Variants in SLCO1A2 observed in about 807,000 individuals in gnomAD.
SLCO1A2 encodes the protein solute carrier organic anion transporter family member 1A2.
Under a neutral mutation model 69.0 loss-of-function variants are expected in SLCO1A2, and 67 were observed. That is an observed-to-expected ratio of 0.97 (90% CI 0.80 to 1.19). The LOEUF (loss-of-function observed/expected upper bound fraction) is 1.19, where lower values mean the gene tolerates loss of function less well. SLCO1A2 is among the 50% of genes most tolerant of loss of function. SLCO1A2 has a pLI of 0.00. For missense variants in SLCO1A2, 787 were observed against 793.7 expected, an observed-to-expected ratio of 0.99 and a Z score of 0.10; for synonymous variants, 260 against 265.9, an observed-to-expected ratio of 0.98 and a Z score of 0.22.
chr12:21,308,276 G>A (rs747111296), intron 4 of SLCO1A2, among the ~76,000 whole-genome samples: 4 of 152,042 alleles, frequency 2.6e-5, no homozygotes, highest in Non-Finnish European at 5.9e-5. Flanking sequence ...AAAAAAATAG[G>A]GAATTTTACA....
At chr12:21,354,652 A>C (rs531694018) in intron 2 of SLCO1A2, among the ~76,000 whole-genome samples, 1 of 152,316 alleles carries the variant, frequency 6.6e-6, no homozygotes, top group African/African-American at 2.4e-5. Context: ...ACCTGAAAGC[A>C]GTGTAGCTAT....
intron 2 of SLCO1A2, among the ~76,000 whole-genome samples, chr12:21,358,643 TTAA>T (rs1410238981): frequency 6.6e-6 from 1 of 152,090 alleles, no homozygotes; most frequent in Admixed American, 6.5e-5. Context: ...TAGTTCCTTT[TTAA>T]TTTTTTATAA....
chr12:21,271,274 G>A (rs1942780567), intron 14 of SLCO1A2, among the ~76,000 whole-genome samples: 1 of 151,758 alleles, frequency 6.6e-6, no homozygotes, highest in South Asian at 2.1e-4. Flanking sequence ...TTCCTTGGAA[G>A]CTGATATCAG....
At chr12:21,290,714 T>C (rs568470580) in intron 12 of SLCO1A2, among the ~76,000 whole-genome samples, 1 of 152,030 alleles carries the variant, frequency 6.6e-6, no homozygotes, top group Non-Finnish European at 1.5e-5. Flanking sequence ...GGGAATAAAA[T>C]TTAAGGGAAT....
intron 2 of SLCO1A2, among the ~76,000 whole-genome samples, chr12:21,342,427 A>G (rs979045616): frequency 6.6e-6 from 1 of 152,088 alleles, no homozygotes; most frequent in African/African-American, 2.4e-5. Context: ...GTATTAATAT[A>G]TTACACTTTT....
intron 12 of SLCO1A2, among the ~76,000 whole-genome samples, chr12:21,277,722 G>A (rs1327575804): frequency 6.6e-6 from 1 of 152,118 alleles, no homozygotes; most frequent in African/African-American, 2.4e-5. Flanking sequence ...CATAAGGAGT[G>A]AGCAGCCTAG....
chr12:21,407,637 C>CA (rs1461348537), intron 1 of SLCO1A2, among the ~76,000 whole-genome samples: 1 of 151,790 alleles, frequency 6.6e-6, no homozygotes, highest in Admixed American at 6.6e-5. Context: ...CCTGTGTCTA[C>CA]AAAAAACACA....
intron 4 of SLCO1A2, among the ~76,000 whole-genome samples, chr12:21,311,993 G>A (rs879843742): frequency 6.9e-6 from 1 of 144,368 alleles, no homozygotes; most frequent in African/African-American, 2.6e-5. Context: ...GGAGGAAGAG[G>A]AGGAGGAGGA....
chr12:21,276,262 T>C (rs1429150369), intron 12 of SLCO1A2, among the ~76,000 whole-genome samples: 3 of 151,942 alleles, frequency 2.0e-5, no homozygotes, highest in Admixed American at 2.0e-4. Context: ...AAAAAGTAAA[T>C]TTTTAAAAAC....
chr12:21,408,807 T>C (rs1941864311), intron 1 of SLCO1A2, among the ~76,000 whole-genome samples: 1 of 151,758 alleles, frequency 6.6e-6, no homozygotes, highest in Non-Finnish European at 1.5e-5. Flanking sequence ...CGGCAAAAAG[T>C]GAGCTTGTTG....
At chr12:21,304,641 G>C in intron 5 of SLCO1A2, 68 bp from the exon 6 acceptor site, 2 of 1,397,778 alleles carry the variant, frequency 1.4e-6, no homozygotes, top group Non-Finnish European at 2.0e-6. Flanking sequence ...TTAATTCTAT[G>C]TTTTCTGTAG....
At position 21,278,758 on chromosome 12, in the gene SLCO1A2, A is replaced by G. The variant is rs568651361; in HGVS notation, c.1611-3334T>C. On this transcript the variant is annotated intron_variant, in intron 12 of 14. Transcript: ENST00000683939. ...CAAACAAACCCAGACTGTGAAGACT[A>G]CAATAAATGCCTAACTCTTCAATGC... is the stretch of plus-strand genomic sequence containing the variant. 8.5e-5 allele frequency among the ~76,000 whole-genome samples: 13 copies of G among 152,258 alleles called. No individual in the cohort carries two copies. In the South Asian group the frequency reaches 2.5e-3, roughly 29 times the overall value.
At chr12:21,378,506 G>T (rs1300469209) in intron 1 of SLCO1A2, 1 of 1,144,664 alleles carries the variant, frequency 8.7e-7, no homozygotes, top group Non-Finnish European at 1.3e-6. Context: ...TTCATCTCCA[G>T]TGTGAATATA....
intron 2 of SLCO1A2, among the ~76,000 whole-genome samples, chr12:21,327,873 A>G (rs1001762484): frequency 6.6e-6 from 1 of 152,118 alleles, no homozygotes; most frequent in Non-Finnish European, 1.5e-5. Flanking sequence ...ATGTGCGGAC[A>G]TGAGATTTGG....
rs140448747 is a variant in SLCO1A2 at position 21,315,706 on chromosome 12, A to G, written c.203-1025T>C. Among the ~76,000 whole-genome samples the G allele has an allele frequency of 3.7e-4, 57 of 152,306 alleles. No individual in the cohort carries two copies. The East Asian group carries it at 9.6e-3, about 26-fold the overall frequency. ...TGGAGAGCGCCCCACCGCAATAACT[A>G]TATCAGCCACATTGACCTCTCTAGT... On this transcript the variant is annotated intron_variant, in intron 3 of 14. Coordinates refer to ENST00000683939, the MANE Select transcript of SLCO1A2 (RefSeq NM_001386879.1).
At chr12:21,365,462 C>A (rs59357811) in intron 2 of SLCO1A2, among the ~76,000 whole-genome samples, 2,516 of 152,100 alleles carry the variant, frequency 0.017, 81 homozygotes, top group African/African-American at 0.057. Flanking sequence ...AAACCTAGGC[C>A]ATACCATTCA....
intron 2 of SLCO1A2, among the ~76,000 whole-genome samples, chr12:21,361,682 G>A (rs12824228): frequency 0.32 from 48,990 of 151,766 alleles, 8,164 homozygotes; most frequent in East Asian, 0.46. Context: ...AGAAAAGACA[G>A]TGTAGAGAAG....
intron 8 of SLCO1A2, among the ~76,000 whole-genome samples, chr12:21,299,894 A>G (rs1194805005): frequency 3.4e-5 from 5 of 146,686 alleles, no homozygotes; most frequent in African/African-American, 1.0e-4. Context: ...ATACGTGTAT[A>G]TATATATATA....
At chr12:21,287,552 A>ACATG (rs1169881785) in intron 12 of SLCO1A2, among the ~76,000 whole-genome samples, 8 of 146,040 alleles carry the variant, frequency 5.5e-5, no homozygotes, top group Non-Finnish European at 1.2e-4. Context: ...CTATAAAGAC[A>ACATG]CATGCACACG....
Sources: gnomAD v4.1 joint callset for allele counts (sites outside exome capture counted in the v4.1 genomes callset) on GRCh38, gnomAD v4.1.1 for gene constraint, MANE v1.5 for transcripts, NCBI Gene and HGNC (gene_info 2026-07-23, HGNC 2026-07-21) for gene names.